RAB7B: variants seen among roughly 807,000 people sequenced by gnomAD.
The protein encoded by RAB7B is RAB7B, member RAS oncogene family, also known as ras-related protein Rab-7b.
chr1:205,990,922 G>A (rs923805706), intron 4 of RAB7B, among the ~76,000 whole-genome samples: 1 of 151,702 alleles, frequency 6.6e-6, no homozygotes, highest in Non-Finnish European at 1.5e-5. Flanking sequence ...TGAGTAGCTG[G>A]GATTACAGAT....
rs906238783 is a variant in RAB7B, at chr1:205,978,640, C to T, written c.*211G>A. On this transcript the variant is annotated 3_prime_UTR_variant, in exon 6 of 6. Coordinates refer to ENST00000617070, the MANE Select transcript of RAB7B (RefSeq NM_001164522.3). ...TCTGACATTCCGGGCTTCATCCAGACGCTCTCACTATACTCAGCCTGAGCC... is the reference window on the plus strand; with the variant it reads ...TCTGACATTCCGGGCTTCATCCAGATGCTCTCACTATACTCAGCCTGAGCC... The T allele has an allele frequency of 2.1e-5, 8 of 381,072 alleles. No homozygotes were observed. The highest frequency in any genetic ancestry group is 1.5e-4 in the South Asian group (1 of 6,862). 23.6% of individuals were successfully genotyped at this position (381,072 alleles called of 1,614,324 possible).
At chr1:205,984,803 T>C (rs1660560849) in intron 5 of RAB7B, among the ~76,000 whole-genome samples, 1 of 152,124 alleles carries the variant, frequency 6.6e-6, no homozygotes, top group African/African-American at 2.4e-5. Flanking sequence ...CACTAATCCA[T>C]TGTCCCTTCA....
intron 1 of RAB7B, 35 bp from the exon 2 acceptor site, chr1:205,994,186 A>C (rs1206614750): frequency 5.0e-6 from 2 of 398,564 alleles, no homozygotes; most frequent in East Asian, 7.1e-5. Flanking sequence ...CATGCTAGCC[A>C]ATGTTCCTTG....
chr1:205,979,326 G>T (rs1660444147), intron 5 of RAB7B, among the ~76,000 whole-genome samples: 8 of 152,010 alleles, frequency 5.3e-5, no homozygotes, highest in Admixed American at 5.2e-4. Flanking sequence ...TTTTCATCCT[G>T]TCCACCTCTC....
At chr1:205,984,165 G>T (rs36180704) in intron 5 of RAB7B, 22,638 of 152,206 alleles carry the variant, frequency 0.15, 2,080 homozygotes, top group East Asian at 0.36. Context: ...CACTAAGAGA[G>T]GGACACCTCT....
At chr1:205,995,785 G>A (rs1660803438) in intron 1 of RAB7B, among the ~76,000 whole-genome samples, 1 of 152,156 alleles carries the variant, frequency 6.6e-6, no homozygotes, top group African/African-American at 2.4e-5. Context: ...TTAGCTAGGA[G>A]TAAATTCAAG....
At position 205,976,942 on chromosome 1, in the gene RAB7B, A is replaced by T. The variant is rs1660387643; in HGVS notation, c.*1909T>A. The T allele has an allele frequency of 6.6e-6, 1 of 152,206 alleles. No homozygotes were observed. Among genetic ancestry groups the T allele is most frequent in the South Asian group, 2.1e-4 (1 of 4,820 alleles). The allele number at this position is 152,206 out of a possible 1,614,324, so 9.4% of individuals were successfully genotyped here. The stretch of plus-strand genomic sequence containing the variant: ...CCCAGGAGCTCTGAAGGACACAGAT[A>T]GAGCTTGTGCTCTAGGCTGCCCCCC... On this transcript the variant is annotated 3_prime_UTR_variant, in exon 6 of 6. Coordinates refer to ENST00000617070, the MANE Select transcript of RAB7B (RefSeq NM_001164522.3).
rs1345741268 is a variant in RAB7B, at chr1:205,977,828, A to T, written c.*1023T>A. On this transcript the variant is annotated 3_prime_UTR_variant, in exon 6 of 6. Transcript: ENST00000617070. ...CCCTCAGACCAAATGCCACCTCCTC[A>T]GGGAAGCCCTCCTGGACCACTTCAT... 1 of 152,140 alleles carries T rather than the reference A, an allele frequency of 6.6e-6. No homozygotes were observed. Among genetic ancestry groups the T allele is most frequent in the African/African-American group, 2.4e-5 (1 of 41,366 alleles). 9.4% of individuals were successfully genotyped at this position (152,140 alleles called of 1,614,324 possible).
intron 4 of RAB7B, among the ~76,000 whole-genome samples, chr1:205,987,473 T>C (rs1471799198): frequency 6.6e-6 from 1 of 152,246 alleles, no homozygotes; most frequent in African/African-American, 2.4e-5. Context: ...CCAGTTGGCA[T>C]CATTTTATTT....
At chr1:205,984,703 C>T (rs1359638104) in intron 5 of RAB7B, among the ~76,000 whole-genome samples, 2 of 152,206 alleles carry the variant, frequency 1.3e-5, no homozygotes, top group East Asian at 3.8e-4. Context: ...GAACCTTGAA[C>T]GCAATGTGCT....
At chr1:205,985,709 G>A (rs924009722) in intron 4 of RAB7B, 44 bp from the exon 5 acceptor site, 24 of 218,990 alleles carry the variant, frequency 1.1e-4, no homozygotes, top group Non-Finnish European at 1.7e-4. Flanking sequence ...TATTATCATC[G>A]CCATCACCAC....
At chr1:206,002,403 T>C (rs976710242) in intron 1 of RAB7B, among the ~76,000 whole-genome samples, 2 of 152,198 alleles carry the variant, frequency 1.3e-5, no homozygotes, top group African/African-American at 4.8e-5. Context: ...TGTATCCCAC[T>C]AAAGAGCCTG....
At chr1:206,002,223 G>T (rs1431170510) in intron 1 of RAB7B, among the ~76,000 whole-genome samples, 1 of 152,124 alleles carries the variant, frequency 6.6e-6, no homozygotes, top group South Asian at 2.1e-4. Flanking sequence ...TCACAATTCC[G>T]CCTTACCCAC....
chr1:205,979,202 A>G (rs1660442372), intron 5 of RAB7B, among the ~76,000 whole-genome samples: 1 of 152,002 alleles, frequency 6.6e-6, no homozygotes, highest in Non-Finnish European at 1.5e-5. Context: ...ATAACTTTCC[A>G]TTCTCCAGAG....
At position 206,003,321 on chromosome 1, in the gene RAB7B, CTCT is replaced by C. The variant is rs1306056377; in HGVS notation, c.-88_-86del. ...GGGAGTCCTCTCTCAGTCTGGTGGT[CTCT>C]TCTTAGAGCAGTGGTCTCAGCAGGG... On this transcript the variant is annotated 5_prime_UTR_variant, in exon 1 of 6. Coordinates refer to ENST00000617070, the MANE Select transcript of RAB7B (RefSeq NM_001164522.3). 2 of 152,262 alleles carry C rather than the reference CTCT, an allele frequency of 1.3e-5. No individual in the cohort carries two copies. Among genetic ancestry groups the C allele is most frequent in the African/African-American group, 4.8e-5 (2 of 41,430 alleles). 9.4% of individuals were successfully genotyped at this position (152,262 alleles called of 1,614,324 possible). A position where few individuals can be genotyped will look rare whatever the true frequency, so the allele number is the denominator to read the frequency against.
chr1:206,003,100 G>A (rs1404777935), intron 1 of RAB7B, among the ~76,000 whole-genome samples, 153 bp downstream of exon 1: 2 of 152,188 alleles, frequency 1.3e-5, no homozygotes, highest in African/African-American at 4.8e-5. Flanking sequence ...TCTCCAGGGT[G>A]GGGTCTTAGG....
chr1:205,980,885 C>T lies in RAB7B; in HGVS notation c.523-1957G>A, dbSNP rs1021271295. 4.1e-3 allele frequency among the ~76,000 whole-genome samples: 584 copies of T among 141,724 alleles called. 2 individuals are homozygous for T. Among genetic ancestry groups the T allele is most frequent in the African/African-American group, 0.014 (558 of 38,496 alleles). The allele number at this position is 141,724 out of a possible 152,430, so 93.0% of individuals were successfully genotyped here. A position where few individuals can be genotyped will look rare whatever the true frequency, so the allele number is the denominator to read the frequency against. ...CCTTCCCCTCCCCCTTCCCCTTCAC[C>T]TCCTCCGCTTCCCCTTCCCCTTTCT... is the stretch of plus-strand genomic sequence containing the variant. On this transcript the variant is annotated intron_variant, in intron 5 of 5. Transcript: ENST00000617070.
intron 5 of RAB7B, among the ~76,000 whole-genome samples, chr1:205,984,603 C>T (rs931505310): frequency 5.5e-4 from 84 of 152,266 alleles, no homozygotes; most frequent in African/African-American, 1.2e-3. Context: ...ATCAGACTGA[C>T]GTTAAAACCA....
chr1:205,993,191 C>T (rs987439015), intron 3 of RAB7B, among the ~76,000 whole-genome samples: 1 of 152,134 alleles, frequency 6.6e-6, no homozygotes, highest in Non-Finnish European at 1.5e-5. Flanking sequence ...TCAACTCTGC[C>T]ATTGTACTGC....
Sources: gnomAD v4.1 joint callset for allele counts (sites outside exome capture counted in the v4.1 genomes callset) on GRCh38, gnomAD v4.1.1 for gene constraint, MANE v1.5 for transcripts, NCBI Gene and HGNC (gene_info 2026-07-23, HGNC 2026-07-21) for gene names.